The following KYAT3 variants were observed in gnomAD, a reference collection of about 807,000 sequenced individuals.
The protein encoded by KYAT3 is kynurenine aminotransferase 3.
KYAT3 carries 50 observed loss-of-function variants against 59.0 expected under a neutral mutation model. The ratio of observed to expected loss-of-function variants is 0.85; its 90% CI spans 0.68 to 1.07. The LOEUF is 1.07. Ranked by LOEUF, KYAT3 falls within the 50% of genes least tolerant of loss-of-function variation. KYAT3 has a pLI of 0.00. For missense variants in KYAT3, 497 were observed against 533.3 expected (o/e 0.93, Z 0.67); for synonymous variants, 148 against 177.0 (o/e 0.84, Z 1.30).
At chr1:88,973,004 G>C (rs1676614057) in intron 2 of KYAT3, among the ~76,000 whole-genome samples, 1 of 152,212 alleles carries the variant, frequency 6.6e-6, no homozygotes, top group African/African-American at 2.4e-5. Context: ...TACTGCAGAT[G>C]TAATTAGTTA....
At chr1:88,963,624 C>T (rs1228684123) in intron 5 of KYAT3, among the ~76,000 whole-genome samples, 2 of 152,224 alleles carry the variant, frequency 1.3e-5, no homozygotes, top group African/African-American at 4.8e-5. Context: ...TTCCTTTTGT[C>T]ACTACCATAG....
At chr1:88,967,419 C>A (rs922868022) in intron 4 of KYAT3, among the ~76,000 whole-genome samples, 1 of 151,636 alleles carries the variant, frequency 6.6e-6, no homozygotes, top group East Asian at 2.0e-4. Flanking sequence ...AAAGTAATTG[C>A]GGTTTTTGTC....
the KYAT3 span, among the ~76,000 whole-genome samples, chr1:88,926,146 A>G: frequency 2.6e-5 from 4 of 152,234 alleles, no homozygotes; most frequent in Non-Finnish European, 5.9e-5. Flanking sequence ...GTAAGTCAAA[A>G]AAGCAAACAG....
intron 8 of KYAT3, among the ~76,000 whole-genome samples, chr1:88,958,945 C>T (rs1029696643): frequency 2.0e-5 from 3 of 152,168 alleles, no homozygotes; most frequent in African/African-American, 7.2e-5. Flanking sequence ...CCCTAGTTTT[C>T]CACCCTGATC....
At chr1:88,923,630 G>T in the KYAT3 span, 1 of 162,450 alleles carries the variant, frequency 6.2e-6, no homozygotes, top group Non-Finnish European at 1.3e-5. Flanking sequence ...TCACCTTTCT[G>T]TGTAAGGCCA....
At chr1:88,929,492 T>C in the KYAT3 span, among the ~76,000 whole-genome samples, 1 of 152,212 alleles carries the variant, frequency 6.6e-6, no homozygotes, top group Non-Finnish European at 1.5e-5. Context: ...TCACCTGGAC[T>C]GTTTTACCCC....
intron 4 of KYAT3, among the ~76,000 whole-genome samples, chr1:88,965,912 G>T (rs531812510): frequency 6.6e-6 from 1 of 152,298 alleles, no homozygotes; most frequent in East Asian, 1.9e-4. Context: ...ATTCTAGCAA[G>T]AGGAGATCTG....
chr1:88,964,987 T>C lies in KYAT3; in HGVS notation c.304-9A>G, dbSNP rs778391545. The C allele has an allele frequency of 1.3e-6, 2 of 1,589,828 alleles. No homozygotes were observed. Among genetic ancestry groups the C allele is most frequent in the Non-Finnish European group, 1.7e-6 (2 of 1,174,462 alleles). On this transcript the variant is annotated splice_polypyrimidine_tract_variant and intron_variant, in intron 4 of 13. Transcript: ENST00000260508. Reference sequence around the variant, plus strand: ...ACAAGTGATGGATGGCCCTGTTGGATTAAAAATAAGAACAAAACCTTGAAT... The same window carrying C: ...ACAAGTGATGGATGGCCCTGTTGGACTAAAAATAAGAACAAAACCTTGAAT...
At chr1:88,969,555 A>C (rs1398244017) in intron 2 of KYAT3, 88 bp from the exon 3 acceptor site, 1 of 722,700 alleles carries the variant, frequency 1.4e-6, no homozygotes, top group African/African-American at 1.8e-5. Context: ...CCTTTTCCCT[A>C]CTGTTACCAT....
At chr1:88,959,733 T>C (rs949899784) in intron 8 of KYAT3, among the ~76,000 whole-genome samples, 1 of 151,924 alleles carries the variant, frequency 6.6e-6, no homozygotes, top group Admixed American at 6.6e-5. Context: ...AGTTTCTATT[T>C]CTCTGTTTAG....
downstream of KYAT3, among the ~76,000 whole-genome samples, chr1:88,932,424 TGATA>T (rs1312735369): frequency 6.6e-6 from 1 of 152,188 alleles, no homozygotes; most frequent in Non-Finnish European, 1.5e-5. Flanking sequence ...ATTAGACTAT[TGATA>T]GATAGATATA....
At chr1:88,974,133 G>A (rs1676668150) in intron 2 of KYAT3, among the ~76,000 whole-genome samples, 1 of 152,154 alleles carries the variant, frequency 6.6e-6, no homozygotes, top group Non-Finnish European at 1.5e-5. Context: ...GGAAACAGAT[G>A]GATACCACAC....
At chr1:88,977,656 A>C (rs1676851679) in intron 2 of KYAT3, among the ~76,000 whole-genome samples, 2 of 152,236 alleles carry the variant, frequency 1.3e-5, no homozygotes, top group African/African-American at 4.8e-5. Context: ...GTTTTAATAA[A>C]TTTAGTATAG....
chr1:88,967,036 G>A (rs1203587912), intron 4 of KYAT3, among the ~76,000 whole-genome samples: 2 of 151,818 alleles, frequency 1.3e-5, no homozygotes, highest in Non-Finnish European at 2.9e-5. Context: ...ACCTTACTTG[G>A]TCAGGATGTA....
chr1:88,963,940 C>T (rs995026840), intron 5 of KYAT3, among the ~76,000 whole-genome samples: 7 of 152,194 alleles, frequency 4.6e-5, no homozygotes, highest in African/African-American at 9.6e-5. Context: ...TGGTGGCTCA[C>T]GCCTGTAATC....
At position 88,949,116 on chromosome 1, in the gene KYAT3, G is replaced by T. The variant is rs1675566246; in HGVS notation, c.1116C>A (p.Phe372Leu). 7 of 1,598,666 alleles carry T rather than the reference G, an allele frequency of 4.4e-6. No homozygotes were observed. The East Asian group carries it at 1.6e-4, about 36-fold the overall frequency. ...CTAGCAAAGACACATCAGCGATGAT[G>T]AAGTATCCTCCATCAGGAACTATGG... ...LKPIVPDGGY[F>L]IIADVSLLDP... Residue 372 changes from phenylalanine to leucine, a missense_variant, in exon 11 of 14, where the codon TTC becomes TTA. Coordinates refer to ENST00000260508, the MANE Select transcript of KYAT3 (RefSeq NM_001008661.3).
At chr1:88,961,059 T>C (rs1676118273) in intron 8 of KYAT3, 108 bp downstream of exon 8, 3 of 1,022,990 alleles carry the variant, frequency 2.9e-6, no homozygotes, top group Non-Finnish European at 4.5e-6. Flanking sequence ...TACAGACAGA[T>C]ACCCATTACA....
At position 88,949,095 on chromosome 1, in the gene KYAT3, C is replaced by G; in HGVS notation, c.1137G>C (p.Leu379Phe). 1 of 1,573,142 alleles carries G rather than the reference C, an allele frequency of 6.4e-7. No individual in the cohort carries two copies. The highest frequency in any genetic ancestry group is 2.3e-5 in the East Asian group (1 of 43,300). The change falls in exon 11 of 14, where the codon TTG (leucine) becomes TTC (phenylalanine). Residue 379 changes from leucine to phenylalanine, a missense_variant. Leu to Phe is a conservative substitution (Grantham distance 22). Coordinates refer to ENST00000260508, the MANE Select transcript of KYAT3 (RefSeq NM_001008661.3). ...ATAATAAAAGCCTTTACAAACCTAGCAAAGACACATCAGCGATGATGAAGT... is the reference window on the plus strand; with the variant it reads ...ATAATAAAAGCCTTTACAAACCTAGGAAAGACACATCAGCGATGATGAAGT... ...GGYFIIADVS[L>F]LDPDLSDMKN...
chr1:88,961,659 A>G (rs1676151127), intron 6 of KYAT3, among the ~76,000 whole-genome samples, 153 bp from the exon 7 acceptor site: 1 of 151,464 alleles, frequency 6.6e-6, no homozygotes, highest in Admixed American at 6.6e-5. Context: ...CAGTAGGAAC[A>G]GAAAAAAAAC....
Sources: gnomAD v4.1 joint callset for allele counts (sites outside exome capture counted in the v4.1 genomes callset) on GRCh38, gnomAD v4.1.1 for gene constraint, MANE v1.5 for transcripts, NCBI Gene and HGNC (gene_info 2026-07-23, HGNC 2026-07-21) for gene names.